The following ATP8B1 variants were observed in gnomAD, a reference collection of about 807,000 sequenced individuals.
ATP8B1 encodes the protein ATPase phospholipid transporting 8B1.
Under a neutral mutation model 149.9 loss-of-function variants are expected in ATP8B1, and 80 were observed. That is an observed-to-expected ratio of 0.53 (90% confidence interval 0.45 to 0.64). The LOEUF (loss-of-function observed/expected upper bound fraction) is 0.64. Ranked by LOEUF, ATP8B1 falls within the 30% of genes least tolerant of loss-of-function variation. The pLI, the probability that ATP8B1 is intolerant of heterozygous loss-of-function variation, is 0.00. For synonymous variants in ATP8B1, 536 were observed against 562.8 expected, an observed-to-expected ratio of 0.95 and a Z score of 0.67; for missense variants, 1,247 against 1,552.6, an observed-to-expected ratio of 0.80 and a Z score of 3.31.
chr18:57,648,878 G>GTA (rs879321012), intron 27 of ATP8B1, among the ~76,000 whole-genome samples, 166 bp from the exon 28 acceptor site: 11,584 of 129,734 alleles, frequency 0.089, 706 homozygotes, highest in East Asian at 0.29. Context: ...GTGTGTGTGT[G>GTA]TGTGTGTGTA....
At chr18:57,688,977 A>G (rs1179952874) in intron 12 of ATP8B1, among the ~76,000 whole-genome samples, 2 of 152,162 alleles carry the variant, frequency 1.3e-5, no homozygotes, top group African/African-American at 4.8e-5. Context: ...AAGCCCATGC[A>G]CTCAGCCTCT....
intron 25 of ATP8B1, 23 bp from the exon 26 acceptor site, chr18:57,652,195 CAG>C (rs1909665981): frequency 6.2e-7 from 1 of 1,613,790 alleles, no homozygotes; most frequent in Non-Finnish European, 8.5e-7. Flanking sequence ...CAGAGAAAAA[CAG>C]AGCACTCATT....
Position 57,674,934 on chromosome 18 carries a change from G to A in ATP8B1, c.1719C>T (p.Thr573=), listed in dbSNP as rs1403302859. 4 of 1,614,126 alleles carry A rather than the reference G, an allele frequency of 2.5e-6. No individual in the cohort carries two copies. Among genetic ancestry groups the A allele is most frequent in the African/African-American group, 2.7e-5 (2 of 74,942 alleles). Residue 573 remains threonine (T), a synonymous_variant, in exon 16 of 28, where the codon ACC becomes ACT. Transcript: ENST00000648908. ...GTTCACTGATGGTGATGGTGTTCTGGGTCCTGGCGAGGAAGGCAAAGCCAA... is the reference window on the plus strand; with the variant it reads ...GTTCACTGATGGTGATGGTGTTCTGAGTCCTGGCGAGGAAGGCAAAGCCAA... ...RNFGFAFLAR[T]QNTITISELG... is the part of the protein sequence containing the mutation.
At chr18:57,680,103 CCAT>C (rs1241351727) in intron 15 of ATP8B1, among the ~76,000 whole-genome samples, 2 of 150,970 alleles carry the variant, frequency 1.3e-5, no homozygotes, top group Non-Finnish European at 2.9e-5. Context: ...TGGCAAAACT[CCAT>C]CTCTACTAAA....
At chr18:57,673,880 C>A (rs770966404) in intron 16 of ATP8B1, among the ~76,000 whole-genome samples, 2 of 152,092 alleles carry the variant, frequency 1.3e-5, no homozygotes, top group Non-Finnish European at 2.9e-5. Flanking sequence ...GCCTGCATTG[C>A]AGATATGATT....
intron 2 of ATP8B1, among the ~76,000 whole-genome samples, chr18:57,713,876 C>T (rs74713960): frequency 1.3e-5 from 2 of 152,106 alleles, no homozygotes; most frequent in African/African-American, 4.8e-5. Context: ...ATCTGCCCGC[C>T]TCAGCCTCCC....
At chr18:57,684,924 C>G in intron 14 of ATP8B1, 148 bp downstream of exon 14, 2 of 978,714 alleles carry the variant, frequency 2.0e-6, no homozygotes, top group Non-Finnish European at 1.6e-6. Flanking sequence ...AGTCTCCAAG[C>G]CAAGGAACAC....
intron 23 of ATP8B1, among the ~76,000 whole-genome samples, chr18:57,654,695 C>CT (rs35541979): frequency 1.7e-3 from 228 of 131,454 alleles, no homozygotes; most frequent in Non-Finnish European, 2.3e-3. Context: ...AAATCCCCTC[C>CT]TTTTTTTTTT....
At chr18:57,679,057 G>A (rs1314436019) in intron 15 of ATP8B1, among the ~76,000 whole-genome samples, 3 of 146,160 alleles carry the variant, frequency 2.1e-5, no homozygotes, top group Non-Finnish European at 4.5e-5. Context: ...GTGAAACCCT[G>A]TCTCTACTAA....
chr18:57,664,340 C>G (rs748611572), intron 20 of ATP8B1, among the ~76,000 whole-genome samples: 19 of 151,480 alleles, frequency 1.3e-4, no homozygotes, highest in Non-Finnish European at 2.1e-4. Flanking sequence ...AACTCTGTCT[C>G]TACTAAAAAT....
intron 16 of ATP8B1, among the ~76,000 whole-genome samples, chr18:57,673,302 A>G (rs1911383385): frequency 6.6e-6 from 1 of 151,984 alleles, no homozygotes; most frequent in Middle Eastern, 3.4e-3. Context: ...CTTAGATTGG[A>G]TCCTGGACCA....
rs192732682 is a variant in ATP8B1, at chr18:57,660,797, G to A, written c.2707+377C>T. 7.2e-3 allele frequency among the ~76,000 whole-genome samples: 1,097 copies of A among 152,292 alleles called. 9 individuals carry two copies. Among genetic ancestry groups the A allele is most frequent in the African/African-American group, 0.023 (940 of 41,548 alleles). ...TTCCCAAAATGCTGGGATTATAGGC[G>A]TGAGCCACTGTGCCCAGCCAATATC... On this transcript the variant is annotated intron_variant, in intron 22 of 27. Transcript: ENST00000648908.
chr18:57,739,972 C>T (rs2079895047), intron 1 of ATP8B1, among the ~76,000 whole-genome samples: 1 of 152,190 alleles, frequency 6.6e-6, no homozygotes, highest in East Asian at 1.9e-4. Context: ...CAAGAATTGG[C>T]AAATTGCAGC....
chr18:57,691,748 G>A lies in ATP8B1; in HGVS notation c.1220+59C>T, dbSNP rs114905829. The A allele has an allele frequency of 8.9e-4, 1,409 of 1,582,682 alleles. 14 individuals are homozygous for A. In the African/African-American group the frequency reaches 0.017, roughly 19 times the overall value. On this transcript the variant is annotated intron_variant, in intron 12 of 27. Coordinates refer to ENST00000648908, the MANE Select transcript of ATP8B1 (RefSeq NM_001374385.1). ...TGATCACTAGAAATGAAGGCACTATGTTGGGAGAAGGTACAACATTCTTCC... is the reference window on the plus strand; with the variant it reads ...TGATCACTAGAAATGAAGGCACTATATTGGGAGAAGGTACAACATTCTTCC...
intron 3 of ATP8B1, among the ~76,000 whole-genome samples, chr18:57,705,527 G>T (rs573711948): frequency 2.6e-4 from 40 of 152,302 alleles, no homozygotes; most frequent in Admixed American, 7.2e-4. Flanking sequence ...TCGGACTGGG[G>T]TCCCTATAAG....
At chr18:57,690,819 G>A (rs1183547972) in intron 12 of ATP8B1, among the ~76,000 whole-genome samples, 1 of 152,088 alleles carries the variant, frequency 6.6e-6, no homozygotes, top group Non-Finnish European at 1.5e-5. Context: ...TTATTCCAAA[G>A]CACTATCCCT....
rs1909645883 is a variant in ATP8B1, at chr18:57,651,927, C to T, written c.3400+107G>A. On this transcript the variant is annotated intron_variant, in intron 26 of 27. Coordinates refer to ENST00000648908, the MANE Select transcript of ATP8B1 (RefSeq NM_001374385.1). Reference sequence around the variant, plus strand: ...GGGATTACAGGTGTGAGCCACTGTGCCCAGCCATTCCACCTTGTATATTTT... The same window carrying T: ...GGGATTACAGGTGTGAGCCACTGTGTCCAGCCATTCCACCTTGTATATTTT... 5 of 1,400,440 alleles carry T rather than the reference C, an allele frequency of 3.6e-6. No homozygotes were observed. In the Admixed American group the frequency reaches 7.4e-5, roughly 21 times the overall value. The allele number at this position is 1,400,440 out of a possible 1,614,324, so 86.8% of individuals were successfully genotyped here.
chr18:57,685,675 T>C (rs1445672762), intron 13 of ATP8B1, among the ~76,000 whole-genome samples: 2 of 152,122 alleles, frequency 1.3e-5, no homozygotes, highest in African/African-American at 2.4e-5. Flanking sequence ...CTCACACCTG[T>C]AATCCCAGCA....
At chr18:57,750,253 AAAG>A (rs2080003776) in intron 1 of ATP8B1, among the ~76,000 whole-genome samples, 1 of 152,208 alleles carries the variant, frequency 6.6e-6, no homozygotes, top group African/African-American at 2.4e-5. Flanking sequence ...AAAAAAAGAA[AAAG>A]AATAAACTAG....
Sources: gnomAD v4.1 joint callset for allele counts (sites outside exome capture counted in the v4.1 genomes callset) on GRCh38, gnomAD v4.1.1 for gene constraint, MANE v1.5 for transcripts, NCBI Gene and HGNC (gene_info 2026-07-23, HGNC 2026-07-21) for gene names.